The following RANBP2 variants were observed in gnomAD, a reference collection of about 807,000 sequenced individuals.
RANBP2 encodes RAN binding protein 2.
In RANBP2, 57 loss-of-function variants were observed where a neutral mutation model predicts 303.6. That is an observed-to-expected ratio of 0.19 (90% CI 0.15 to 0.23). The LOEUF is 0.23. Among genes scored for constraint, RANBP2 ranks in the 10% least tolerant of loss-of-function variants. The pLI is 1.00. For missense variants in RANBP2, 3,138 were observed against 3,780.8 expected (o/e 0.83, Z 4.46); for synonymous variants, 1,167 against 1,301.5 (o/e 0.90, Z 2.23).
chr2:109,170,471 G>GAGT, the RANBP2 span, among the ~76,000 whole-genome samples: 183 of 152,092 alleles, frequency 1.2e-3, no homozygotes, highest in Non-Finnish European at 2.2e-3. Context: ...TCAGCCTCCT[G>GAGT]AGTAGCTGGG....
chr2:109,681,539 G>A, the RANBP2 span, among the ~76,000 whole-genome samples: 1 of 152,196 alleles, frequency 6.6e-6, no homozygotes, highest in South Asian at 2.1e-4. Context: ...TTTTAGGTGA[G>A]TTTAAAAGAA....
the RANBP2 span, among the ~76,000 whole-genome samples, chr2:109,385,302 T>A: frequency 7.6e-4 from 116 of 152,324 alleles, no homozygotes; most frequent in African/African-American, 2.5e-3. Context: ...GAAGTATGTG[T>A]TAGAAATGAT....
chr2:108,991,973 T>A, the RANBP2 span, among the ~76,000 whole-genome samples: 1 of 152,128 alleles, frequency 6.6e-6, no homozygotes. Context: ...CTAATTTTTG[T>A]ATTTTTAGTA....
the RANBP2 span, among the ~76,000 whole-genome samples, chr2:109,255,985 A>C: frequency 1.1e-4 from 16 of 152,260 alleles, no homozygotes; most frequent in South Asian, 6.2e-4. Flanking sequence ...CCCCTGAGGA[A>C]GATTCCCTGT....
the RANBP2 span, among the ~76,000 whole-genome samples, chr2:109,016,924 C>A: frequency 6.6e-6 from 1 of 152,178 alleles, no homozygotes; most frequent in Non-Finnish European, 1.5e-5. Flanking sequence ...ATTCCCACTG[C>A]CCCCTATGGA....
the RANBP2 span, among the ~76,000 whole-genome samples, chr2:109,634,286 A>G: frequency 2.0e-5 from 3 of 152,110 alleles, no homozygotes; most frequent in Non-Finnish European, 2.9e-5. Context: ...ACAGAAACCA[A>G]TAGAAACCCA....
Position 108,719,551 on chromosome 2 carries a change from C to G in RANBP2, c.-56C>G. 4 of 1,567,802 alleles carry G rather than the reference C, an allele frequency of 2.6e-6. No homozygotes were observed. The highest frequency in any genetic ancestry group is 3.5e-6 in the Non-Finnish European group (4 of 1,158,028). On this transcript the variant is annotated 5_prime_UTR_variant, in exon 1 of 29. Coordinates refer to ENST00000283195, the MANE Select transcript of RANBP2 (RefSeq NM_006267.5). ...GGCGCTTTCCTCTTGGAAGTGGCGACTGCTGCGGGCCTGAGCGCTGGTCTC... is the reference window on the plus strand; with the variant it reads ...GGCGCTTTCCTCTTGGAAGTGGCGAGTGCTGCGGGCCTGAGCGCTGGTCTC...
chr2:109,459,271 G>T, the RANBP2 span, among the ~76,000 whole-genome samples: 2 of 152,098 alleles, frequency 1.3e-5, no homozygotes, highest in African/African-American at 4.8e-5. Flanking sequence ...AAAATAGGAG[G>T]AAATACTTAC....
At chr2:108,729,968 C>T (rs939328952) in intron 2 of RANBP2, among the ~76,000 whole-genome samples, 2 of 151,988 alleles carry the variant, frequency 1.3e-5, no homozygotes, top group Non-Finnish European at 2.9e-5. Context: ...GTCTGCCTGC[C>T]TCGGCCTCCC....
chr2:109,136,852 T>G, the RANBP2 span, among the ~76,000 whole-genome samples: 3 of 152,180 alleles, frequency 2.0e-5, no homozygotes, highest in Non-Finnish European at 4.4e-5. Context: ...CCGGGGCACC[T>G]GTAAATGTGC....
the RANBP2 span, among the ~76,000 whole-genome samples, chr2:109,689,539 A>AAC: frequency 3.1e-3 from 470 of 152,330 alleles, 4 homozygotes; most frequent in African/African-American, 0.011. Context: ...GTCAGCAGGC[A>AAC]ACAATTCCTG....
the RANBP2 span, among the ~76,000 whole-genome samples, chr2:109,362,355 C>G: frequency 6.6e-6 from 1 of 152,060 alleles, no homozygotes; most frequent in Non-Finnish European, 1.5e-5. Context: ...GTTAAATCTC[C>G]AAGTATTTTG....
At chr2:109,327,300 G>A in the RANBP2 span, among the ~76,000 whole-genome samples, 1 of 152,134 alleles carries the variant, frequency 6.6e-6, no homozygotes, top group Non-Finnish European at 1.5e-5. Context: ...AAACAGCCCA[G>A]CCTTTCCCTG....
At chr2:109,449,507 G>T in the RANBP2 span, 1 of 1,611,478 alleles carries the variant, frequency 6.2e-7, no homozygotes. Flanking sequence ...GCCCATCCTG[G>T]ACGAGCCCTG....
rs539580373 is a variant in RANBP2 at position 108,754,239 on chromosome 2, G to C, written c.2202+268G>C. ...ATTTCTAAGATAAGACATTGATTTT[G>C]TTATCTTAGCAGTGTAATCAAAACA... On this transcript the variant is annotated intron_variant, in intron 15 of 28. Coordinates refer to ENST00000283195, the MANE Select transcript of RANBP2 (RefSeq NM_006267.5). Among the ~76,000 whole-genome samples the C allele has an allele frequency of 4.0e-4, 60 of 151,540 alleles. 1 individual carries two copies. Among genetic ancestry groups the C allele is most frequent in the African/African-American group, 1.4e-3 (58 of 41,082 alleles).
chr2:108,867,204 G>C, the RANBP2 span, among the ~76,000 whole-genome samples: 76 of 152,220 alleles, frequency 5.0e-4, no homozygotes, highest in African/African-American at 1.8e-3. Flanking sequence ...CTAGGGCCAG[G>C]GCAGTGATAA....
In RANBP2 at chr2:108,766,035, T is replaced by C. The variant is rs369103571; in HGVS notation, c.5496T>C (p.Ser1832=). 6.2e-7 allele frequency: 1 copy of C among 1,614,170 alleles called. No individual in the cohort carries two copies. The highest frequency in any genetic ancestry group is 8.5e-7 in the Non-Finnish European group (1 of 1,180,006). The change falls in exon 20 of 29, where the codon TCT becomes TCC. Residue 1832 remains serine, a synonymous_variant. Transcript: ENST00000283195. ...TLGSEMKLHD[S]SGSQVGTGFK... ...GCTCAGAAATGAAGTTGCATGACTC[T>C]TCTGGAAGTCAGGTGGGAACAGGAT...
At chr2:109,713,808 T>C in the RANBP2 span, among the ~76,000 whole-genome samples, 1 of 152,228 alleles carries the variant, frequency 6.6e-6, no homozygotes, top group Non-Finnish European at 1.5e-5. Context: ...GAATGATTGA[T>C]CGAATGATCG....
chr2:109,009,589 C>A, the RANBP2 span, among the ~76,000 whole-genome samples: 67 of 152,148 alleles, frequency 4.4e-4, no homozygotes, highest in Non-Finnish European at 8.5e-4. Flanking sequence ...GCAGTGCTGC[C>A]ATCCTAGCTC....
Sources: allele counts gnomAD v4.1 joint callset (sites outside exome capture counted in the v4.1 genomes callset), GRCh38; gene constraint gnomAD v4.1.1; transcripts MANE v1.5; gene names NCBI Gene and HGNC (gene_info 2026-07-23, HGNC 2026-07-21).